The following DTD1 variants were observed in gnomAD, a reference collection of about 807,000 sequenced individuals.
DTD1 encodes D-aminoacyl-tRNA deacylase 1.
A neutral mutation model predicts 25.6 loss-of-function variants in DTD1; 13 were observed. The observed-to-expected ratio is 0.51, with a 90% CI of 0.33 to 0.81. The LOEUF is 0.81. DTD1 is among the 30% of genes least tolerant of loss of function. The pLI, the probability that DTD1 is intolerant of heterozygous loss-of-function variation, is 0.02. For synonymous variants in DTD1, 110 were observed against 103.6 expected, an observed-to-expected ratio of 1.06 and a Z score of -0.37; for missense variants, 193 against 266.4, an observed-to-expected ratio of 0.72 and a Z score of 1.92.
intron 4 of DTD1, among the ~76,000 whole-genome samples, chr20:18,655,952 G>T (rs2060890126): frequency 6.6e-6 from 1 of 152,106 alleles, no homozygotes; most frequent in African/African-American, 2.4e-5. Flanking sequence ...TATGTTTTTA[G>T]TAGAGACGGG....
intron 5 of DTD1, among the ~76,000 whole-genome samples, chr20:18,760,671 A>G (rs147222796): frequency 6.6e-6 from 1 of 152,056 alleles, no homozygotes; most frequent in African/African-American, 2.4e-5. Context: ...CAGTTAGGCT[A>G]CTCAGGGGTC....
intron 4 of DTD1, among the ~76,000 whole-genome samples, chr20:18,668,021 CAG>C (rs1375241850): frequency 1.3e-5 from 2 of 152,198 alleles, no homozygotes; most frequent in African/African-American, 4.8e-5. Flanking sequence ...TACATTTAGA[CAG>C]AGGCTGCCAG....
At chr20:18,673,233 A>G (rs1233287470) in intron 4 of DTD1, among the ~76,000 whole-genome samples, 1 of 152,180 alleles carries the variant, frequency 6.6e-6, no homozygotes, top group African/African-American at 2.4e-5. Context: ...AGGTTAATTA[A>G]TGTTTTTTCC....
At chr20:18,681,519 A>T (rs1213368383) in intron 4 of DTD1, among the ~76,000 whole-genome samples, 1 of 152,222 alleles carries the variant, frequency 6.6e-6, no homozygotes, top group Non-Finnish European at 1.5e-5. Context: ...GTTTTTCAAT[A>T]TGAAAATGAA....
rs2061376529 is a variant in DTD1, at chr20:18,765,523, T to TCCTGGGATC, written c.*2184_*2192dup. Reference sequence around the variant, plus strand: ...CATCATCCTGAAAATCACTTTCAACTCCTGGGATCAGAGAAATAGCAGTGA... The same window carrying TCCTGGGATC: ...CATCATCCTGAAAATCACTTTCAACTCCTGGGATCCCTGGGATCAGAGAAATAGCAGTGA... On this transcript the variant is annotated 3_prime_UTR_variant, in exon 6 of 6. Transcript: ENST00000377452. The TCCTGGGATC allele has an allele frequency of 6.6e-6, 1 of 152,196 alleles. No individual in the cohort carries two copies. Among genetic ancestry groups the TCCTGGGATC allele is most frequent in the African/African-American group, 2.4e-5 (1 of 41,432 alleles). 9.4% of individuals were successfully genotyped at this position (152,196 alleles called of 1,614,324 possible).
intron 3 of DTD1, among the ~76,000 whole-genome samples, chr20:18,627,270 A>G (rs954458046): frequency 1.3e-5 from 2 of 152,158 alleles, no homozygotes; most frequent in Non-Finnish European, 2.9e-5. Flanking sequence ...CAGAGAAGGA[A>G]TTTGTGAGGT....
At chr20:18,631,515 CAA>C in intron 4 of DTD1, 1 of 985,520 alleles carries the variant, frequency 1.0e-6, no homozygotes, top group Non-Finnish European at 1.2e-6. Flanking sequence ...CAAATGTCTC[CAA>C]TTGAGAAATG....
intron 1 of DTD1, among the ~76,000 whole-genome samples, chr20:18,593,107 A>G (rs1351716017): frequency 6.6e-6 from 1 of 152,152 alleles, no homozygotes; most frequent in Non-Finnish European, 1.5e-5. Context: ...CAAATGGACA[A>G]GATGCATGAT....
At chr20:18,636,996 G>A (rs779327707) in intron 4 of DTD1, among the ~76,000 whole-genome samples, 3 of 152,158 alleles carry the variant, frequency 2.0e-5, no homozygotes, top group Non-Finnish European at 4.4e-5. Context: ...AGGCAGAAGA[G>A]TAGCCCATTT....
At chr20:18,726,520 T>A (rs959525409) in intron 4 of DTD1, among the ~76,000 whole-genome samples, 1 of 152,170 alleles carries the variant, frequency 6.6e-6, no homozygotes, top group African/African-American at 2.4e-5. Flanking sequence ...AGGGTAAATG[T>A]CAGCTGCCTT....
At position 18,749,827 on chromosome 20, in the gene DTD1, C is replaced by A. The variant is rs138451334; in HGVS notation, c.*19+5556C>A. ...AATGGAGCCTCTGTCTGGTCAGGAA[C>A]GCCCCTATTGCTACTCAGCGCATGG... On this transcript the variant is annotated intron_variant, in intron 5 of 5. Coordinates refer to ENST00000377452, the MANE Select transcript of DTD1 (RefSeq NM_080820.6). The surrounding 1 kb of genome is among the most constrained non-coding windows in gnomAD (Gnocchi z 4.2). Among the ~76,000 whole-genome samples, 1 of 152,174 alleles carries A rather than the reference C, an allele frequency of 6.6e-6. No individual in the cohort carries two copies. The highest frequency in any genetic ancestry group is 1.5e-5 in the Non-Finnish European group (1 of 68,034).
chr20:18,608,130 T>C (rs1175636365), intron 3 of DTD1, among the ~76,000 whole-genome samples: 1 of 152,188 alleles, frequency 6.6e-6, no homozygotes, highest in Non-Finnish European at 1.5e-5. Flanking sequence ...TTGGTCTTTT[T>C]GTCTAAGTGA....
chr20:18,627,411 A>G (rs1228633303), intron 3 of DTD1, among the ~76,000 whole-genome samples: 3 of 152,234 alleles, frequency 2.0e-5, no homozygotes, highest in Non-Finnish European at 4.4e-5. Context: ...GCTTCACTGC[A>G]TGCAGTGCAA....
At chr20:18,680,324 A>G (rs2060991635) in intron 4 of DTD1, among the ~76,000 whole-genome samples, 1 of 151,400 alleles carries the variant, frequency 6.6e-6, no homozygotes, top group African/African-American at 2.4e-5. Context: ...AACTGGGACT[A>G]AAGGTGTGTG....
chr20:18,761,045 T>C (rs1320099467), intron 5 of DTD1, among the ~76,000 whole-genome samples: 1 of 152,174 alleles, frequency 6.6e-6, no homozygotes, highest in African/African-American at 2.4e-5. Context: ...ATGCGCGGGA[T>C]ATAATCTCCT....
intron 4 of DTD1, among the ~76,000 whole-genome samples, chr20:18,692,431 G>T (rs1002586593): frequency 4.6e-5 from 7 of 152,208 alleles, no homozygotes; most frequent in African/African-American, 1.4e-4. Context: ...TTATCTGCAG[G>T]TTTGGGGCAG....
chr20:18,716,280 GA>G (rs2122485718), intron 4 of DTD1, among the ~76,000 whole-genome samples: 1 of 152,324 alleles, frequency 6.6e-6, no homozygotes, highest in African/African-American at 2.4e-5. Context: ...CCACTTCCCA[GA>G]AAGGGGAAAT....
chr20:18,655,552 C>T (rs1326604774), intron 4 of DTD1, among the ~76,000 whole-genome samples: 1 of 152,148 alleles, frequency 6.6e-6, no homozygotes, highest in African/African-American at 2.4e-5. Context: ...CATCTTGTAT[C>T]AGCAATTATC....
chr20:18,632,262 C>T (rs2060791490), intron 4 of DTD1: 2 of 985,284 alleles, frequency 2.0e-6, no homozygotes, highest in South Asian at 9.4e-5. Flanking sequence ...TTTCTGAATC[C>T]TTTAGGAGTT....
Sources: allele counts gnomAD v4.1 joint callset (sites outside exome capture counted in the v4.1 genomes callset), GRCh38; gene constraint gnomAD v4.1.1; non-coding constraint Gnocchi (gnomAD v3.1); transcripts MANE v1.5; gene names NCBI Gene and HGNC (gene_info 2026-07-23, HGNC 2026-07-21).